The following CELF4 variants were observed in gnomAD, a reference collection of about 807,000 sequenced individuals.
CELF4 encodes CUGBP Elav-like family member 4.
CELF4 carries 18 observed loss-of-function variants against 59.9 expected under a neutral mutation model. That is an observed-to-expected ratio of 0.30 (90% confidence interval 0.21 to 0.45). The LOEUF (loss-of-function observed/expected upper bound fraction) is 0.45, where lower values mean the gene tolerates loss of function less well. CELF4 is among the 20% of genes least tolerant of loss of function. The pLI, the probability that CELF4 is intolerant of heterozygous loss-of-function variation, is 1.00. For missense variants in CELF4, 456 were observed against 689.0 expected, an observed-to-expected ratio of 0.66 and a Z score of 3.79; for synonymous variants, 261 against 267.1, an observed-to-expected ratio of 0.98 and a Z score of 0.22.
At position 37,274,902 on chromosome 18, in the gene CELF4, G is replaced by A; in HGVS notation, c.578-18C>T. 5.0e-6 allele frequency: 8 copies of A among 1,602,220 alleles called. No homozygotes were observed. The highest frequency in any genetic ancestry group is 6.8e-6 in the Non-Finnish European group (8 of 1,175,168). ...GGCGCACCCTGCGAGGACGCGAGAG[G>A]CCGAGCTGGGACCCAGAAGCAGGGC... is the stretch of plus-strand genomic sequence containing the variant. On this transcript the variant is annotated intron_variant, in intron 4 of 12. Transcript: ENST00000420428.
chr18:37,405,096 C>A (rs955819967), intron 2 of CELF4, among the ~76,000 whole-genome samples: 1 of 152,252 alleles, frequency 6.6e-6, no homozygotes, highest in Admixed American at 6.5e-5. Flanking sequence ...GCCCCAACCC[C>A]CCCCGTGTCC....
intron 1 of CELF4, among the ~76,000 whole-genome samples, chr18:37,546,302 G>A (rs928482463): frequency 2.0e-4 from 30 of 152,180 alleles, no homozygotes; most frequent in Admixed American, 1.6e-3. Context: ...GGTCTCACAG[G>A]CCGGGATTGG....
At chr18:37,441,098 G>C (rs903755944) in intron 2 of CELF4, among the ~76,000 whole-genome samples, 1 of 152,124 alleles carries the variant, frequency 6.6e-6, no homozygotes, top group Non-Finnish European at 1.5e-5. Context: ...GTCTCTCCCC[G>C]CTGGACCAGT....
At chr18:37,498,541 C>T (rs1377866269) in intron 1 of CELF4, among the ~76,000 whole-genome samples, 3 of 151,514 alleles carry the variant, frequency 2.0e-5, no homozygotes, top group Non-Finnish European at 4.4e-5. Context: ...CCCTCCCTCC[C>T]TTCCTGTCAT....
chr18:37,548,142 G>C (rs370218034), intron 1 of CELF4, among the ~76,000 whole-genome samples: 12 of 151,318 alleles, frequency 7.9e-5, no homozygotes, highest in East Asian at 5.8e-4. Flanking sequence ...ACACATCTCT[G>C]TGTGTGTGTG....
chr18:37,469,205 C>T (rs1429456455), intron 2 of CELF4, among the ~76,000 whole-genome samples: 2 of 152,104 alleles, frequency 1.3e-5, no homozygotes, highest in Admixed American at 1.3e-4. Context: ...AATCTTTAAC[C>T]CTTGCCTGAC....
Position 37,245,587 on chromosome 18 carries a change from A to G in CELF4, c.*45-390T>C, listed in dbSNP as rs2061742862. Among the ~76,000 whole-genome samples the G allele has an allele frequency of 6.6e-6, 1 of 152,036 alleles. No homozygotes were observed. The highest frequency in any genetic ancestry group is 1.5e-5 in the Non-Finnish European group (1 of 68,012). Reference sequence around the variant, plus strand: ...AGCCCAGATACAATATGTATACAGAAGCCTAGCAAACAAGATAGGAAAAAT... The same window carrying G: ...AGCCCAGATACAATATGTATACAGAGGCCTAGCAAACAAGATAGGAAAAAT... On this transcript the variant is annotated intron_variant, in intron 12 of 12. Transcript: ENST00000420428. The surrounding 1 kb of genome is among the most constrained non-coding windows in gnomAD (Gnocchi z 4.1).
At chr18:37,543,046 C>T (rs1441663189) in intron 1 of CELF4, among the ~76,000 whole-genome samples, 1 of 152,168 alleles carries the variant, frequency 6.6e-6, no homozygotes, top group East Asian at 1.9e-4. Context: ...GACTCAGCAC[C>T]TCTGACTGTG....
intron 2 of CELF4, among the ~76,000 whole-genome samples, chr18:37,335,089 A>G (rs1216442218): frequency 6.7e-6 from 1 of 150,146 alleles, no homozygotes; most frequent in Non-Finnish European, 1.5e-5. Flanking sequence ...AGCTCGTCCA[A>G]GTCTCTTTTC....
chr18:37,423,066 A>G (rs867135347), intron 2 of CELF4, among the ~76,000 whole-genome samples: 47 of 140,378 alleles, frequency 3.3e-4, no homozygotes, highest in African/African-American at 1.1e-3. Flanking sequence ...GCGCGCGCGC[A>G]CACACACACA....
intron 2 of CELF4, among the ~76,000 whole-genome samples, chr18:37,469,390 T>C (rs2099816036): frequency 6.6e-6 from 1 of 152,188 alleles, no homozygotes; most frequent in Admixed American, 6.5e-5. Context: ...ATTTGTTTAA[T>C]GTAAATACAT....
intron 12 of CELF4, chr18:37,247,151 G>A (rs1185935323): frequency 6.6e-6 from 1 of 152,124 alleles, no homozygotes; most frequent in Non-Finnish European, 1.5e-5. Flanking sequence ...ACGCCATCAT[G>A]TCACACTGTG....
chr18:37,380,596 A>G (rs1371308212), intron 2 of CELF4, among the ~76,000 whole-genome samples: 1 of 151,696 alleles, frequency 6.6e-6, no homozygotes, highest in East Asian at 1.9e-4. Context: ...CCATCCATCC[A>G]TTCATCCACC....
chr18:37,342,820 T>C (rs976774641), intron 2 of CELF4, among the ~76,000 whole-genome samples: 18 of 152,182 alleles, frequency 1.2e-4, no homozygotes, highest in African/African-American at 4.3e-4. Context: ...AAGTTGAATC[T>C]CACCACTCCC....
chr18:37,345,440 T>C (rs986817454), intron 2 of CELF4, among the ~76,000 whole-genome samples: 1 of 151,094 alleles, frequency 6.6e-6, no homozygotes, highest in African/African-American at 2.4e-5. Context: ...CTGTGAGCTT[T>C]GGGTGTCGGG....
At chr18:37,479,024 C>T (rs532642544) in intron 2 of CELF4, among the ~76,000 whole-genome samples, 1 of 152,336 alleles carries the variant, frequency 6.6e-6, no homozygotes, top group African/African-American at 2.4e-5. Flanking sequence ...AGTCTCCATT[C>T]ACCTAACCCA....
chr18:37,421,234 T>C (rs2099576176), intron 2 of CELF4, among the ~76,000 whole-genome samples: 1 of 152,206 alleles, frequency 6.6e-6, no homozygotes, highest in South Asian at 2.1e-4. Flanking sequence ...TTCAGAGAGA[T>C]TGAACACGAA....
chr18:37,470,887 T>TGAGAGAGAGAGAGAGAGAGAGA (rs1557426553), intron 2 of CELF4, among the ~76,000 whole-genome samples: 4 of 71,960 alleles, frequency 5.6e-5, no homozygotes, highest in Non-Finnish European at 8.1e-5. Flanking sequence ...TGTGTGTGTG[T>TGAGAGAGAGAGAGAGAGAGAGA]GACAGAGAGA....
chr18:37,462,517 C>G (rs915462547), intron 2 of CELF4, among the ~76,000 whole-genome samples: 1 of 152,220 alleles, frequency 6.6e-6, no homozygotes. Flanking sequence ...TAGGCAGGCT[C>G]CTAGCCACCA....
Sources: gnomAD v4.1 joint callset for allele counts (sites outside exome capture counted in the v4.1 genomes callset) on GRCh38, gnomAD v4.1.1 for gene constraint, Gnocchi (gnomAD v3.1) non-coding constraint, MANE v1.5 for transcripts, NCBI Gene and HGNC (gene_info 2026-07-23, HGNC 2026-07-21) for gene names.